TBC1D14: variants seen among roughly 807,000 people sequenced by gnomAD.
TBC1D14 encodes the protein TBC1 domain family, member 14.
TBC1D14 carries 26 observed loss-of-function variants against 79.0 expected under a neutral mutation model. That is an observed-to-expected ratio of 0.33 (90% CI 0.24 to 0.46). The LOEUF (loss-of-function observed/expected upper bound fraction) is 0.46. Among genes scored for constraint, TBC1D14 ranks in the 20% least tolerant of loss-of-function variants. The pLI is 1.00. For missense variants in TBC1D14, 769 were observed against 887.6 expected (o/e 0.87, Z 1.70); for synonymous variants, 394 against 349.9 (o/e 1.13, Z -1.40).
chr4:6,924,586 G>A (rs1724138006), intron 2 of TBC1D14, among the ~76,000 whole-genome samples: 1 of 152,152 alleles, frequency 6.6e-6, no homozygotes, highest in African/African-American at 2.4e-5. Context: ...GTGCTCTCGT[G>A]TGCCTGTCCT....
chr4:6,927,357 T>A (rs1724371861), intron 2 of TBC1D14, among the ~76,000 whole-genome samples: 1 of 152,120 alleles, frequency 6.6e-6, no homozygotes, highest in African/African-American at 2.4e-5. Flanking sequence ...GCTGGGTTTC[T>A]CGTGAGTCCT....
At chr4:6,981,975 T>C (rs777757811) in intron 3 of TBC1D14, among the ~76,000 whole-genome samples, 1 of 152,230 alleles carries the variant, frequency 6.6e-6, no homozygotes, top group Non-Finnish European at 1.5e-5. Context: ...GGATGTCCGC[T>C]CTTACTATTC....
At chr4:6,935,888 C>G (rs546702123) in intron 2 of TBC1D14, among the ~76,000 whole-genome samples, 1 of 152,302 alleles carries the variant, frequency 6.6e-6, no homozygotes, top group African/African-American at 2.4e-5. Flanking sequence ...AAGTGATTCA[C>G]CCACCTCGGC....
intron 3 of TBC1D14, among the ~76,000 whole-genome samples, chr4:6,977,554 A>T (rs1210280433): frequency 3.4e-5 from 5 of 146,912 alleles, no homozygotes; most frequent in Admixed American, 1.3e-4. Context: ...CCGTCTGGGA[A>T]GTGAGGAGCG....
At chr4:6,997,556 G>A (rs1052232072) in intron 5 of TBC1D14, among the ~76,000 whole-genome samples, 3 of 152,154 alleles carry the variant, frequency 2.0e-5, no homozygotes, top group Non-Finnish European at 4.4e-5. Context: ...AACCCAGGAG[G>A]TGGAGGTTGC....
chr4:6,913,131 G>T (rs1723136135), intron 1 of TBC1D14, among the ~76,000 whole-genome samples: 1 of 152,112 alleles, frequency 6.6e-6, no homozygotes, highest in South Asian at 2.1e-4. Flanking sequence ...CAGTAGCTGG[G>T]ATTACAGGCA....
At chr4:6,939,027 G>C (rs1264564288) in intron 2 of TBC1D14, among the ~76,000 whole-genome samples, 1 of 152,208 alleles carries the variant, frequency 6.6e-6, no homozygotes, top group Non-Finnish European at 1.5e-5. Context: ...CCATGGGGAA[G>C]AGATGCTAGT....
chr4:6,978,603 C>G (rs544137596), intron 3 of TBC1D14, among the ~76,000 whole-genome samples: 1 of 148,756 alleles, frequency 6.7e-6, no homozygotes, highest in Non-Finnish European at 1.5e-5. Flanking sequence ...ACAAACACTG[C>G]GGAAGGCCGC....
chr4:7,025,018 A>G lies in TBC1D14; in HGVS notation c.1772A>G (p.Tyr591Cys). The G allele has an allele frequency of 3.1e-6, 5 of 1,614,144 alleles. No homozygotes were observed. Among genetic ancestry groups the G allele is most frequent in the African/African-American group, 1.3e-5 (1 of 75,034 alleles). Residue 591 changes from tyrosine to cysteine, a missense_variant, in exon 13 of 14, where the codon TAT (tyrosine) becomes TGT (cysteine). Tyr to Cys is a radical substitution (Grantham distance 194, BLOSUM62 -2). Transcript: ENST00000409757. ...IYLIDWIFTL[Y>C]SKSLPLDLAC... ...TTACCCCCTAGGATCTTTACCTTAT[A>G]TAGTAAATCTCTGCCCCTCGACCTG...
chr4:6,938,079 G>C (rs1712522592), intron 2 of TBC1D14, among the ~76,000 whole-genome samples: 1 of 152,204 alleles, frequency 6.6e-6, no homozygotes, highest in Admixed American at 6.5e-5. Flanking sequence ...GCCGTCCCGG[G>C]CGTTGTGGTG....
intron 2 of TBC1D14, among the ~76,000 whole-genome samples, chr4:6,960,048 A>G (rs1000548402): frequency 1.3e-5 from 2 of 149,300 alleles, no homozygotes; most frequent in South Asian, 4.3e-4. Context: ...AAGACAGTAT[A>G]TGGGTGAAAA....
chr4:7,011,630 C>T (rs1437464767), intron 11 of TBC1D14, among the ~76,000 whole-genome samples: 2 of 151,974 alleles, frequency 1.3e-5, no homozygotes, highest in Non-Finnish European at 2.9e-5. Flanking sequence ...CATCTCAGCT[C>T]ACTACGACCT....
At chr4:6,990,706 C>G (rs1718400138) in intron 3 of TBC1D14, among the ~76,000 whole-genome samples, 1 of 152,098 alleles carries the variant, frequency 6.6e-6, no homozygotes, top group African/African-American at 2.4e-5. Flanking sequence ...GAGTGAGTGC[C>G]CAGCCATTTT....
Position 7,024,916 on chromosome 4 carries a change from GT to G in TBC1D14, c.1758-83del. On this transcript the variant is annotated intron_variant, in intron 12 of 13. Coordinates refer to ENST00000409757, the MANE Select transcript of TBC1D14 (RefSeq NM_020773.3). The stretch of plus-strand genomic sequence containing the variant: ...GTTGCCTGAAAGTGACTAGGGGAGT[GT>G]TTTTCATGGAATCAGACTGGAATTC... The G allele has an allele frequency of 3.2e-6, 5 of 1,558,626 alleles. No homozygotes were observed. The South Asian group carries it at 4.9e-5, about 15-fold the overall frequency.
intron 4 of TBC1D14, 151 bp downstream of exon 4, chr4:6,994,453 G>T: frequency 1.5e-6 from 1 of 687,332 alleles, no homozygotes. Context: ...CATGTGTTCT[G>T]TAATTATATT....
intron 5 of TBC1D14, 44 bp downstream of exon 5, chr4:6,996,451 G>A (rs370835998): frequency 3.5e-6 from 5 of 1,437,400 alleles, no homozygotes; most frequent in East Asian, 2.3e-5. Context: ...GCAGCACAGG[G>A]TTTGTGTCTT....
intron 2 of TBC1D14, among the ~76,000 whole-genome samples, chr4:6,964,263 G>A (rs575081905): frequency 1.3e-5 from 2 of 152,136 alleles, no homozygotes; most frequent in South Asian, 4.1e-4. Context: ...TCCAGACCAC[G>A]AATCTGGGAG....
intron 3 of TBC1D14, among the ~76,000 whole-genome samples, chr4:6,968,298 G>A (rs1393802141): frequency 6.6e-6 from 1 of 152,160 alleles, no homozygotes; most frequent in African/African-American, 2.4e-5. Context: ...TCCAGGGCAG[G>A]CGCAGGAGGA....
At chr4:6,954,286 G>A (rs1162027002) in intron 2 of TBC1D14, 2 of 717,374 alleles carry the variant, frequency 2.8e-6, no homozygotes, top group African/African-American at 1.7e-5. Flanking sequence ...TCGGAGCTGC[G>A]AGGTCACAGT....
Sources: allele counts gnomAD v4.1 joint callset (sites outside exome capture counted in the v4.1 genomes callset), GRCh38; gene constraint gnomAD v4.1.1; transcripts MANE v1.5; gene names NCBI Gene and HGNC (gene_info 2026-07-23, HGNC 2026-07-21).